SHC4: variants seen among roughly 807,000 people sequenced by gnomAD.
SHC4 encodes SHC adaptor protein 4, also known as SHC-transforming protein 4.
SHC4 carries 41 observed loss-of-function variants against 69.4 expected under a neutral mutation model. The ratio of observed to expected loss-of-function variants is 0.59; its 90% CI spans 0.46 to 0.77. The LOEUF (loss-of-function observed/expected upper bound fraction) is 0.77, where lower values mean the gene tolerates loss of function less well. Among genes scored for constraint, SHC4 ranks in the 30% least tolerant of loss-of-function variants. SHC4 has a pLI of 0.00. For synonymous variants in SHC4, 318 were observed against 299.3 expected, an observed-to-expected ratio of 1.06 and a Z score of -0.64; for missense variants, 777 against 783.8, an observed-to-expected ratio of 0.99 and a Z score of 0.10.
At chr15:48,935,042 AT>A (rs1280141357) in intron 1 of SHC4, among the ~76,000 whole-genome samples, 1 of 152,158 alleles carries the variant, frequency 6.6e-6, no homozygotes, top group Non-Finnish European at 1.5e-5. Context: ...AAACCATTGA[AT>A]TGTATACTTT....
At chr15:48,916,121 A>G (rs1052962325) in intron 2 of SHC4, among the ~76,000 whole-genome samples, 8 of 152,230 alleles carry the variant, frequency 5.3e-5, no homozygotes, top group Non-Finnish European at 1.0e-4. Flanking sequence ...ACTGTTTTCA[A>G]ACATATCTTA....
chr15:48,837,847 G>C (rs944577507), intron 10 of SHC4, among the ~76,000 whole-genome samples: 1 of 151,948 alleles, frequency 6.6e-6, no homozygotes, highest in Admixed American at 6.6e-5. Flanking sequence ...GGAAAATACA[G>C]TTTAAGGAAG....
intron 9 of SHC4, among the ~76,000 whole-genome samples, chr15:48,847,008 GA>G (rs1375207853): frequency 6.7e-6 from 1 of 148,826 alleles, no homozygotes; most frequent in Non-Finnish European, 1.5e-5. Context: ...AGAAAGAAAG[GA>G]AACTGCCATC....
chr15:48,845,151 G>A (rs543959276), intron 9 of SHC4, among the ~76,000 whole-genome samples: 11 of 152,174 alleles, frequency 7.2e-5, no homozygotes, highest in Non-Finnish European at 1.5e-4. Flanking sequence ...TCCTTCTATT[G>A]CTTTAGTCAT....
chr15:48,833,534 C>A (rs1046063558), intron 11 of SHC4, among the ~76,000 whole-genome samples: 2 of 152,156 alleles, frequency 1.3e-5, no homozygotes, highest in Non-Finnish European at 2.9e-5. Flanking sequence ...TGAAGGAGAA[C>A]CTTCAAGTTG....
chr15:48,842,263 G>A (rs545704063), intron 10 of SHC4, among the ~76,000 whole-genome samples: 2 of 152,236 alleles, frequency 1.3e-5, no homozygotes, highest in East Asian at 3.9e-4. Flanking sequence ...ACTTATTTTA[G>A]TGCTTTATAG....
In SHC4 at chr15:48,872,090, G is replaced by T. The variant is rs1471329428; in HGVS notation, c.893C>A (p.Pro298His). The change falls in exon 5 of 12, where the codon CCT becomes CAT. Residue 298 changes from proline to histidine, a missense_variant and splice_region_variant. Physicochemically the swap from Pro to His is moderately conservative, Grantham distance 77. Coordinates refer to ENST00000332408, the MANE Select transcript of SHC4 (RefSeq NM_203349.4). Reference sequence around the variant, plus strand: ...GAACTTCTGTGAATCCATACTTACAGGATCCCCTCCAGAGGCAAATGAAAT... The same window carrying T: ...GAACTTCTGTGAATCCATACTTACATGATCCCCTCCAGAGGCAAATGAAAT... Reference protein sequence around the residue: ...QSISFASGGDPDTTDYVAYVA... With the variant: ...QSISFASGGDHDTTDYVAYVA... The T allele has an allele frequency of 6.3e-7, 1 of 1,589,502 alleles. No homozygotes were observed. Among genetic ancestry groups the T allele is most frequent in the Non-Finnish European group, 8.6e-7 (1 of 1,163,274 alleles).
chr15:48,878,443 G>A (rs1375418568), intron 4 of SHC4: 1 of 1,613,002 alleles, frequency 6.2e-7, no homozygotes, highest in Non-Finnish European at 8.5e-7. Context: ...GCCAGGTGGC[G>A]GGCGCAGACT....
At chr15:48,951,904 C>G (rs141632528) in intron 1 of SHC4, among the ~76,000 whole-genome samples, 1 of 152,152 alleles carries the variant, frequency 6.6e-6, no homozygotes, top group African/African-American at 2.4e-5. Flanking sequence ...TCCTACCACA[C>G]CTCCTCATGC....
intron 10 of SHC4, among the ~76,000 whole-genome samples, chr15:48,836,875 T>A (rs1898909183): frequency 6.6e-6 from 1 of 152,244 alleles, no homozygotes; most frequent in South Asian, 2.1e-4. Flanking sequence ...CTAAATCTAA[T>A]GGCTGGAAAC....
chr15:48,959,389 C>T (rs1901502481), intron 1 of SHC4, among the ~76,000 whole-genome samples: 1 of 152,214 alleles, frequency 6.6e-6, no homozygotes, highest in Non-Finnish European at 1.5e-5. Context: ...ATGCTTAGAA[C>T]TGATTCATTT....
chr15:48,859,306 G>GGTGTGT (rs58641880), intron 6 of SHC4, among the ~76,000 whole-genome samples: 3,875 of 145,888 alleles, frequency 0.027, 84 homozygotes, highest in Middle Eastern at 0.048. Context: ...ATTTGAAAGG[G>GGTGTGT]GTGTGTGTGT....
At chr15:48,940,978 T>C (rs1444189121) in intron 1 of SHC4, among the ~76,000 whole-genome samples, 1 of 152,192 alleles carries the variant, frequency 6.6e-6, no homozygotes, top group Non-Finnish European at 1.5e-5. Context: ...ACAAGAGTTG[T>C]CTGTACCTGG....
chr15:48,888,882 CAAAAAAA>C (rs36036782), intron 3 of SHC4, among the ~76,000 whole-genome samples: 3 of 89,158 alleles, frequency 3.4e-5, no homozygotes, highest in African/African-American at 8.4e-5. Context: ...GTGAAACTGT[CAAAAAAA>C]AAAAAAAAAA....
chr15:48,852,915 A>T (rs1030447709), intron 8 of SHC4, among the ~76,000 whole-genome samples: 59 of 143,046 alleles, frequency 4.1e-4, no homozygotes, highest in Non-Finnish European at 7.3e-4. Flanking sequence ...AAAATATATA[A>T]AAATAAATAA....
At chr15:48,893,432 C>T (rs1900168842) in intron 2 of SHC4, among the ~76,000 whole-genome samples, 1 of 152,132 alleles carries the variant, frequency 6.6e-6, no homozygotes, top group African/African-American at 2.4e-5. Flanking sequence ...GCCATTGTAG[C>T]ACAAAAAGCA....
chr15:48,904,321 G>T (rs1157856857), intron 2 of SHC4, among the ~76,000 whole-genome samples: 1 of 152,174 alleles, frequency 6.6e-6, no homozygotes, highest in Non-Finnish European at 1.5e-5. Flanking sequence ...ACAAAACAGG[G>T]TTAATAGTAA....
chr15:48,885,113 A>C (rs1003692530), intron 3 of SHC4, among the ~76,000 whole-genome samples: 1 of 152,206 alleles, frequency 6.6e-6, no homozygotes, highest in Admixed American at 6.5e-5. Context: ...TCATTTCTCA[A>C]GGAGAAGAAG....
At chr15:48,841,037 T>C (rs1898979862) in intron 10 of SHC4, among the ~76,000 whole-genome samples, 1 of 130,770 alleles carries the variant, frequency 7.6e-6, no homozygotes, top group African/African-American at 2.5e-5. Context: ...AATTTTGCCA[T>C]TTCATATTAT....
Sources: allele counts gnomAD v4.1 joint callset (sites outside exome capture counted in the v4.1 genomes callset), GRCh38; gene constraint gnomAD v4.1.1; transcripts MANE v1.5; gene names NCBI Gene and HGNC (gene_info 2026-07-23, HGNC 2026-07-21).